Variants in LDB2 observed in about 807,000 individuals in gnomAD.
LDB2 encodes LIM domain binding 2, also known as LIM domain-binding protein 2.
A neutral mutation model predicts 44.3 loss-of-function variants in LDB2; 12 were observed. The ratio of observed to expected loss-of-function variants is 0.27; its 90% confidence interval spans 0.17 to 0.44. The LOEUF (loss-of-function observed/expected upper bound fraction) is 0.44, where lower values mean the gene tolerates loss of function less well. Ranked by LOEUF, LDB2 falls within the 20% of genes least tolerant of loss-of-function variation. LDB2 has a pLI of 1.00. For missense variants in LDB2, 344 were observed against 473.5 expected (o/e 0.73, Z 2.54); for synonymous variants, 164 against 174.8 (o/e 0.94, Z 0.49).
intron 1 of LDB2, among the ~76,000 whole-genome samples, chr4:16,849,279 C>A (rs1167066016): frequency 6.6e-6 from 1 of 152,142 alleles, no homozygotes; most frequent in African/African-American, 2.4e-5. Flanking sequence ...CTGTGACCAC[C>A]CCAACTAAAG....
chr4:16,760,558 C>A (rs1767674616), intron 1 of LDB2, among the ~76,000 whole-genome samples: 1 of 152,046 alleles, frequency 6.6e-6, no homozygotes. Context: ...GATCCACGTA[C>A]AAAGTACTCT....
intron 1 of LDB2, among the ~76,000 whole-genome samples, chr4:16,827,178 T>C (rs1783205894): frequency 6.6e-6 from 1 of 152,150 alleles, no homozygotes; most frequent in Non-Finnish European, 1.5e-5. Context: ...TTGCGCTTCA[T>C]GGATATCTCC....
intron 1 of LDB2, among the ~76,000 whole-genome samples, chr4:16,884,443 C>A (rs1342670654): frequency 6.6e-6 from 1 of 152,128 alleles, no homozygotes; most frequent in Non-Finnish European, 1.5e-5. Context: ...CTTCTCCAGG[C>A]CTACACACAC....
At chr4:16,827,585 C>A (rs938842078) in intron 1 of LDB2, among the ~76,000 whole-genome samples, 1 of 152,074 alleles carries the variant, frequency 6.6e-6, no homozygotes, top group Non-Finnish European at 1.5e-5. Flanking sequence ...TCAAAAAGGC[C>A]TTATTTTGGA....
chr4:16,778,345 G>A (rs1448549080), intron 1 of LDB2, among the ~76,000 whole-genome samples: 1 of 152,094 alleles, frequency 6.6e-6, no homozygotes, highest in Non-Finnish European at 1.5e-5. Flanking sequence ...GCTATATCAT[G>A]TCTACGAAAC....
chr4:16,689,929 G>C (rs1750228686), intron 2 of LDB2, among the ~76,000 whole-genome samples: 2 of 152,208 alleles, frequency 1.3e-5, no homozygotes, highest in Admixed American at 1.3e-4. Context: ...TATTTGCAGA[G>C]CTCTGCCTTC....
At chr4:16,592,495 T>C (rs201482868) in intron 3 of LDB2, among the ~76,000 whole-genome samples, 35,737 of 135,476 alleles carry the variant, frequency 0.26, 4,975 homozygotes, top group East Asian at 0.32. Context: ...TATATATATA[T>C]ATATATATAT....
intron 2 of LDB2, among the ~76,000 whole-genome samples, chr4:16,718,356 A>C (rs2152677503): frequency 6.6e-6 from 1 of 152,292 alleles, no homozygotes; most frequent in South Asian, 2.1e-4. Context: ...AATCCATTGA[A>C]TATGTCGAGT....
intron 2 of LDB2, among the ~76,000 whole-genome samples, chr4:16,671,244 C>T (rs534928807): frequency 4.1e-4 from 62 of 152,198 alleles, no homozygotes; most frequent in African/African-American, 1.5e-3. Context: ...GAGCATCGTT[C>T]GTCAAGTGTA....
intron 2 of LDB2, among the ~76,000 whole-genome samples, chr4:16,643,098 T>A (rs1735662586): frequency 6.8e-6 from 1 of 147,826 alleles, no homozygotes; most frequent in South Asian, 2.1e-4. Context: ...TCCCGGTAGA[T>A]GGCAGTAAGC....
At chr4:16,840,180 G>A (rs1313338833) in intron 1 of LDB2, among the ~76,000 whole-genome samples, 1 of 152,106 alleles carries the variant, frequency 6.6e-6, no homozygotes, top group Non-Finnish European at 1.5e-5. Flanking sequence ...TATCAACTCT[G>A]ATAGATTTAT....
chr4:16,585,751 T>G (rs1716561131), intron 5 of LDB2, among the ~76,000 whole-genome samples, 171 bp downstream of exon 5: 2 of 151,940 alleles, frequency 1.3e-5, no homozygotes, highest in African/African-American at 4.8e-5. Flanking sequence ...CTTTGTTAAT[T>G]AAACCCTGTC....
chr4:16,503,281 G>T, intron 7 of LDB2: 1 of 741,254 alleles, frequency 1.3e-6, no homozygotes, highest in Non-Finnish European at 2.2e-6. Context: ...TAGGGCCTGT[G>T]AGTGGCTTTG....
chr4:16,602,126 A>G (rs1030973735), intron 2 of LDB2, among the ~76,000 whole-genome samples: 4 of 152,214 alleles, frequency 2.6e-5, no homozygotes, highest in Non-Finnish European at 5.9e-5. Context: ...GTGATTTCAA[A>G]GATTCATTTA....
At chr4:16,513,363 C>G (rs1722522717) in intron 5 of LDB2, among the ~76,000 whole-genome samples, 1 of 152,186 alleles carries the variant, frequency 6.6e-6, no homozygotes, top group Non-Finnish European at 1.5e-5. Flanking sequence ...TTCAGTTCTC[C>G]ATAGCACCCA....
At chr4:16,888,246 C>T (rs1013857664) in intron 1 of LDB2, among the ~76,000 whole-genome samples, 7 of 152,188 alleles carry the variant, frequency 4.6e-5, no homozygotes, top group African/African-American at 1.7e-4. Flanking sequence ...TTCAGACAGC[C>T]CTGCAAAGAC....
chr4:16,664,368 T>G (rs1241720178), intron 2 of LDB2, among the ~76,000 whole-genome samples: 1 of 152,204 alleles, frequency 6.6e-6, no homozygotes, highest in African/African-American at 2.4e-5. Context: ...CTGTTGTTTA[T>G]AAGCCACCCA....
At chr4:16,816,390 T>G (rs1268848735) in intron 1 of LDB2, among the ~76,000 whole-genome samples, 1 of 150,866 alleles carries the variant, frequency 6.6e-6, no homozygotes, top group Non-Finnish European at 1.5e-5. Context: ...TTTTTAGTTC[T>G]TATTTTCTTT....
intron 1 of LDB2, among the ~76,000 whole-genome samples, chr4:16,831,243 A>G (rs750647005): frequency 1.4e-5 from 2 of 147,646 alleles, no homozygotes; most frequent in Non-Finnish European, 3.0e-5. Context: ...TTTTAGGAGT[A>G]TAGGACAAGC....
Sources: allele counts gnomAD v4.1 joint callset (sites outside exome capture counted in the v4.1 genomes callset), GRCh38; gene constraint gnomAD v4.1.1; transcripts MANE v1.5; gene names NCBI Gene and HGNC (gene_info 2026-07-23, HGNC 2026-07-21).